The following FKBP11 variants were observed in gnomAD, a reference collection of about 807,000 sequenced individuals.
The protein encoded by FKBP11 is peptidyl-prolyl cis-trans isomerase FKBP11.
In FKBP11, 21 loss-of-function variants were observed where a neutral mutation model predicts 24.7. The observed-to-expected ratio is 0.85, with a 90% CI of 0.60 to 1.23. The LOEUF is 1.23. Ranked by LOEUF, FKBP11 falls within the 50% of genes most tolerant of loss-of-function variation. The pLI, the probability that FKBP11 is intolerant of heterozygous loss-of-function variation, is 0.00. For synonymous variants in FKBP11, 106 were observed against 100.6 expected (o/e 1.05, Z -0.32); for missense variants, 245 against 248.7 (o/e 0.99, Z 0.10).
chr12:48,923,413 G>A (rs2137554167), intron 5 of FKBP11: 1 of 1,481,188 alleles, frequency 6.8e-7, no homozygotes, highest in Non-Finnish European at 9.0e-7. Context: ...GAGGCTGAAA[G>A]GAAGGGGTGG....
the FKBP11 span, among the ~76,000 whole-genome samples, chr12:48,932,184 TA>T: frequency 5.9e-4 from 76 of 128,412 alleles, 1 homozygote; most frequent in Non-Finnish European, 1.6e-4. Flanking sequence ...TATATATATA[TA>T]ATATAAACAT....
upstream of FKBP11, among the ~76,000 whole-genome samples, chr12:48,927,782 A>G (rs970744396): frequency 5.3e-5 from 8 of 152,194 alleles, no homozygotes; most frequent in African/African-American, 7.2e-5. Flanking sequence ...CCATGAGATG[A>G]CCATGAGGAT....
At chr12:48,938,925 C>CT in the FKBP11 span, 1 of 1,607,694 alleles carries the variant, frequency 6.2e-7, no homozygotes. Context: ...GGGTGGGGTG[C>CT]TTTGTTAGGG....
At chr12:48,926,642 C>T (rs1307065858), upstream of FKBP11, among the ~76,000 whole-genome samples, 2 of 147,038 alleles carry the variant, frequency 1.4e-5, no homozygotes, top group East Asian at 4.0e-4. Flanking sequence ...TACAGGCATG[C>T]GCCACCATGC....
In FKBP11 at chr12:48,925,405, G is replaced by T; in HGVS notation, c.24C>A (p.Leu8=). The T allele has an allele frequency of 6.3e-7, 1 of 1,581,382 alleles. No individual in the cohort carries two copies. Residue 8 remains leucine, a synonymous_variant, in exon 1 of 6, where the codon CTC becomes CTA. Transcript: ENST00000550765. Reference sequence around the variant, plus strand: ...GCAGCAGCAGCAGCAGATGGAGCGGGAGGAGTGAGGGGCGCAGGGTCATGA... The same window carrying T: ...GCAGCAGCAGCAGCAGATGGAGCGGTAGGAGTGAGGGGCGCAGGGTCATGA... MTLRPSL[L]PLHLLLLLLL...
At chr12:48,924,868 C>T (rs1939922913) in intron 2 of FKBP11, 178 bp downstream of exon 2, 1 of 1,443,578 alleles carries the variant, frequency 6.9e-7, no homozygotes, top group Admixed American at 2.8e-5. Flanking sequence ...GGCAGAAAAG[C>T]AAGGAGGGAA....
rs775910107 is a variant in FKBP11, at chr12:48,925,047, G to A, written c.194C>T (p.Thr65Met). The A allele has an allele frequency of 9.3e-7, 1 of 1,070,882 alleles. No individual in the cohort carries two copies. Among genetic ancestry groups the A allele is most frequent in the South Asian group, 1.2e-5 (1 of 80,968 alleles). 66.3% of individuals were successfully genotyped at this position (1,070,882 alleles called of 1,614,324 possible). ...GCCCCGGCCCCCCAGACCCCTCACCGTGTAGTGTATGTGAAGCGTGTCTCC... is the reference window on the plus strand; with the variant it reads ...GCCCCGGCCCCCCAGACCCCTCACCATGTAGTGTATGTGAAGCGTGTCTCC... ...AFGDTLHIHY[T>M]GSLVDGRIID... Residue 65 changes from threonine to methionine, a missense_variant and splice_region_variant, in exon 2 of 6, where the codon ACG becomes ATG. Coordinates refer to ENST00000550765, the MANE Select transcript of FKBP11 (RefSeq NM_016594.3).
At chr12:48,935,473 C>T in the FKBP11 span, among the ~76,000 whole-genome samples, 21 of 152,112 alleles carry the variant, frequency 1.4e-4, no homozygotes, top group Admixed American at 3.3e-4. Flanking sequence ...TCACCCAGAC[C>T]TCACCCACCC....
At chr12:48,925,015 AGGCCCCG>A in intron 2 of FKBP11, 24 bp downstream of exon 2, 15 of 1,024,976 alleles carry the variant, frequency 1.5e-5, no homozygotes, top group Non-Finnish European at 2.0e-5. Context: ...GCCCCCTCCC[AGGCCCCG>A]CCCCGGCCCC....
the FKBP11 span, chr12:48,938,879 G>C: frequency 1.9e-6 from 3 of 1,567,566 alleles, no homozygotes; most frequent in East Asian, 2.3e-5. Flanking sequence ...GGAAGGGGTA[G>C]GACTGGGGCA....
At chr12:48,925,658 G>A (rs1592232583), upstream of FKBP11, 9 of 583,930 alleles carry the variant, frequency 1.5e-5, no homozygotes, top group East Asian at 2.5e-4. Context: ...AGGTTCTGAC[G>A]CATCCGTTAG....
At chr12:48,928,817 TC>T (rs1940013513), upstream of FKBP11, among the ~76,000 whole-genome samples, 4 of 131,062 alleles carry the variant, frequency 3.1e-5, no homozygotes, top group East Asian at 7.0e-4. Context: ...TAAACTTCTA[TC>T]TTTTTTTTTT....
intron 4 of FKBP11, 69 bp from the exon 5 acceptor site, chr12:48,923,921 G>A (rs768615124): frequency 1.4e-6 from 2 of 1,465,552 alleles, no homozygotes; most frequent in African/African-American, 2.8e-5. Flanking sequence ...TCCAGCTGAA[G>A]CTCCTTCAGC....
At chr12:48,938,475 C>T in the FKBP11 span, 3 of 441,260 alleles carry the variant, frequency 6.8e-6, no homozygotes, top group Non-Finnish European at 1.4e-5. Context: ...CATGTATATA[C>T]AGGCGCACAC....
rs573927819 is a variant in FKBP11 at position 48,922,303 on chromosome 12, A to G, written c.389-102T>C. 30 of 1,059,592 alleles carry G rather than the reference A, an allele frequency of 2.8e-5. No homozygotes were observed. The East Asian group carries it at 5.4e-4, about 19-fold the overall frequency. The allele number at this position is 1,059,592 out of a possible 1,614,324, so 65.6% of individuals were successfully genotyped here. ...AGCGTAGGCCACAGCAAAGCCAACA[A>G]CTATGAAGCTGACAAGATTTAAATG... On this transcript the variant is annotated intron_variant, in intron 5 of 5. Transcript: ENST00000550765.
In FKBP11 at chr12:48,924,043, G is replaced by T. The variant is rs1053510005; in HGVS notation, c.317+180C>A. Reference sequence around the variant, plus strand: ...ATGTGCCTCAACTCCCCCGACAAAAGCAACAGCGCAAGAGGCACAGAGGCT... The same window carrying T: ...ATGTGCCTCAACTCCCCCGACAAAATCAACAGCGCAAGAGGCACAGAGGCT... On this transcript the variant is annotated intron_variant, in intron 4 of 5. Transcript: ENST00000550765. 10 of 882,706 alleles carry T rather than the reference G, an allele frequency of 1.1e-5. No individual in the cohort carries two copies. The African/African-American group carries it at 1.7e-4, about 15-fold the overall frequency. 54.7% of individuals were successfully genotyped at this position (882,706 alleles called of 1,614,324 possible).
At chr12:48,937,995 C>T in the FKBP11 span, 6 of 174,794 alleles carry the variant, frequency 3.4e-5, no homozygotes, top group South Asian at 1.3e-4. Context: ...CCCTAACACA[C>T]ACCATGGACT....
the FKBP11 span, among the ~76,000 whole-genome samples, chr12:48,932,291 CTT>C: frequency 3.1e-5 from 1 of 31,940 alleles, no homozygotes; most frequent in African/African-American, 1.6e-4. Context: ...TTTTTTTTTT[CTT>C]ATAGAGATGG....
chr12:48,931,403 C>A (rs955175212), upstream of FKBP11: 1 of 1,535,386 alleles, frequency 6.5e-7, no homozygotes, highest in Admixed American at 2.0e-5. Context: ...AACACAATAT[C>A]CACCCACAGG....
Sources: gnomAD v4.1 joint callset for allele counts (sites outside exome capture counted in the v4.1 genomes callset) on GRCh38, gnomAD v4.1.1 for gene constraint, MANE v1.5 for transcripts, NCBI Gene and HGNC (gene_info 2026-07-23, HGNC 2026-07-21) for gene names.